Variants in CFAP20DC observed in about 807,000 individuals in gnomAD.
CFAP20DC encodes the protein protein CFAP20DC.
In CFAP20DC, 84 loss-of-function variants were observed where a neutral mutation model predicts 101.7. The observed-to-expected ratio is 0.83, with a 90% CI of 0.69 to 0.99. The LOEUF is 0.99. CFAP20DC is among the 50% of genes least tolerant of loss of function. The pLI, the probability that CFAP20DC is intolerant of heterozygous loss-of-function variation, is 0.00. For synonymous variants in CFAP20DC, 359 were observed against 351.2 expected, an observed-to-expected ratio of 1.02 and a Z score of -0.25; for missense variants, 1,007 against 970.3, an observed-to-expected ratio of 1.04 and a Z score of -0.50.
downstream of CFAP20DC, among the ~76,000 whole-genome samples, chr3:58,739,193 AG>A (rs2067826107): frequency 2.0e-5 from 3 of 152,236 alleles, no homozygotes; most frequent in Non-Finnish European, 4.4e-5. Context: ...TATAATTACC[AG>A]GGAAACTAAA....
intron 14 of CFAP20DC, among the ~76,000 whole-genome samples, chr3:58,818,142 G>A (rs373085271): frequency 2.2e-3 from 337 of 150,774 alleles, no homozygotes; most frequent in African/African-American, 7.1e-3. Flanking sequence ...TGAAGGAAGC[G>A]CTAAACATGG....
At chr3:59,019,961 T>C (rs1054059498) in intron 4 of CFAP20DC, among the ~76,000 whole-genome samples, 13 of 152,048 alleles carry the variant, frequency 8.5e-5, no homozygotes, top group Non-Finnish European at 1.0e-4. Flanking sequence ...TCACAACAGA[T>C]TGAATTAGAG....
At chr3:58,813,357 G>A (rs2074829540) in intron 14 of CFAP20DC, among the ~76,000 whole-genome samples, 1 of 151,856 alleles carries the variant, frequency 6.6e-6, no homozygotes. Context: ...TCAGCTCTAA[G>A]TATTTATGTG....
intron 5 of CFAP20DC, among the ~76,000 whole-genome samples, chr3:58,931,038 G>A (rs953942444): frequency 6.6e-6 from 1 of 152,132 alleles, no homozygotes; most frequent in African/African-American, 2.4e-5. Flanking sequence ...GTGACAAATG[G>A]CACCTGGAAA....
At chr3:58,856,521 G>C (rs2078841414) in intron 12 of CFAP20DC, among the ~76,000 whole-genome samples, 1 of 152,270 alleles carries the variant, frequency 6.6e-6, no homozygotes, top group Middle Eastern at 3.4e-3. Flanking sequence ...GCCACTTATG[G>C]GGTGAGCTTG....
At chr3:58,856,331 T>G (rs1452230487) in intron 12 of CFAP20DC, among the ~76,000 whole-genome samples, 1 of 143,160 alleles carries the variant, frequency 7.0e-6, no homozygotes, top group Non-Finnish European at 1.5e-5. Context: ...ATGGAGATAC[T>G]TATCTTTCAG....
At chr3:58,820,106 G>A (rs1352922070) in intron 14 of CFAP20DC, among the ~76,000 whole-genome samples, 3 of 151,978 alleles carry the variant, frequency 2.0e-5, no homozygotes, top group Admixed American at 1.3e-4. Flanking sequence ...TTCATGCTAA[G>A]AACTCTGAAT....
intron 14 of CFAP20DC, among the ~76,000 whole-genome samples, chr3:58,816,908 G>C (rs1559638883): frequency 1.3e-5 from 2 of 152,196 alleles, no homozygotes; most frequent in Non-Finnish European, 2.9e-5. Flanking sequence ...GCTTGGAAGA[G>C]AGCAGTGGTT....
intron 4 of CFAP20DC, among the ~76,000 whole-genome samples, chr3:58,942,842 G>A (rs2107867072): frequency 6.6e-6 from 1 of 152,310 alleles, no homozygotes; most frequent in East Asian, 1.9e-4. Context: ...TTCTCACTGA[G>A]AACACAGCAG....
rs1020963622 is a variant in CFAP20DC, at chr3:58,732,227, A to T, written c.198-14599T>A. Among the ~76,000 whole-genome samples, 10 of 152,242 alleles carry T rather than the reference A, an allele frequency of 6.6e-5. No homozygotes were observed. The highest frequency in any genetic ancestry group is 2.4e-4 in the African/African-American group (10 of 41,460). ...CCTACCCTAATGACTCGTTAGGTCA[A>T]TTAAAAAAAGAGGACAATTTCTCAT... On this transcript the variant is annotated intron_variant, in intron 3 of 3. Coordinates refer to the CFAP20DC transcript ENST00000486145. The surrounding 1 kb of genome is among the most constrained non-coding windows in gnomAD (Gnocchi z 5.4).
At position 58,799,412 on chromosome 3, in the gene CFAP20DC, G is replaced by A. The variant is rs749024249; in HGVS notation, c.2237+6983C>T. 5.3e-5 allele frequency among the ~76,000 whole-genome samples: 8 copies of A among 152,086 alleles called. No individual in the cohort carries two copies. The South Asian group carries it at 1.0e-3, about 20-fold the overall frequency. The stretch of plus-strand genomic sequence containing the variant: ...AAAAAGGTTTCGTTTATTATAAATG[G>A]GAACAGGGCCAGGTACTAGAGACTC... On this transcript the variant is annotated intron_variant, in intron 15 of 16. Coordinates refer to ENST00000482387, the MANE Select transcript of CFAP20DC (RefSeq NM_001394063.1). The surrounding 1 kb of genome is among the most constrained non-coding windows in gnomAD (Gnocchi z 4.9).
chr3:59,021,575 A>C (rs1355299711), intron 4 of CFAP20DC, among the ~76,000 whole-genome samples: 2 of 152,220 alleles, frequency 1.3e-5, no homozygotes, highest in East Asian at 3.9e-4. Context: ...ACTTAGCTTA[A>C]AGCCAATGAT....
intron 12 of CFAP20DC, among the ~76,000 whole-genome samples, chr3:58,851,729 T>C (rs1167326386): frequency 7.2e-5 from 11 of 152,192 alleles, no homozygotes; most frequent in Admixed American, 5.2e-4. Context: ...TGTACTCTTT[T>C]TTTATATTAC....
chr3:58,887,596 C>T (rs562483431), intron 6 of CFAP20DC, among the ~76,000 whole-genome samples: 2 of 152,144 alleles, frequency 1.3e-5, no homozygotes, highest in African/African-American at 4.8e-5. Flanking sequence ...AATTCCTAAG[C>T]TTTTATGGAA....
intron 4 of CFAP20DC, among the ~76,000 whole-genome samples, chr3:58,963,161 T>G (rs2091277495): frequency 6.7e-6 from 1 of 150,106 alleles, no homozygotes; most frequent in African/African-American, 2.5e-5. Flanking sequence ...TGCCACAGGC[T>G]TTCATACTTC....
intron 14 of CFAP20DC, among the ~76,000 whole-genome samples, chr3:58,816,933 C>T (rs1017457740): frequency 6.6e-6 from 1 of 152,208 alleles, no homozygotes; most frequent in Non-Finnish European, 1.5e-5. Context: ...CAGCACGCAG[C>T]TGGAGATCTG....
Position 59,001,499 on chromosome 3 carries a change from C to A in CFAP20DC, c.278+38058G>T, listed in dbSNP as rs2093310314. On this transcript the variant is annotated intron_variant, in intron 4 of 16. Transcript: ENST00000482387. This position sits in a 1 kb window ranked among gnomAD's most constrained non-coding sequence, Gnocchi z 4.5. Reference sequence around the variant, plus strand: ...AGCCTCGATCTCACCCCAACCTCCGCCTCCCAGGTTCAAGTGATTCTCCTG... The same window carrying A: ...AGCCTCGATCTCACCCCAACCTCCGACTCCCAGGTTCAAGTGATTCTCCTG... Among the ~76,000 whole-genome samples, 1 of 152,194 alleles carries A rather than the reference C, an allele frequency of 6.6e-6. No individual in the cohort carries two copies.
At chr3:58,885,642 C>T (rs1350123922) in intron 6 of CFAP20DC, among the ~76,000 whole-genome samples, 2 of 150,276 alleles carry the variant, frequency 1.3e-5, no homozygotes, top group South Asian at 4.3e-4. Flanking sequence ...CATCTAGTAT[C>T]CTCTGTACTT....
At chr3:58,802,773 T>C (rs907416062) in intron 15 of CFAP20DC, among the ~76,000 whole-genome samples, 4 of 152,212 alleles carry the variant, frequency 2.6e-5, no homozygotes, top group African/African-American at 7.2e-5. Flanking sequence ...TGCAGCACTT[T>C]AGCTATTTTC....
Sources: allele counts gnomAD v4.1 joint callset (sites outside exome capture counted in the v4.1 genomes callset), GRCh38; gene constraint gnomAD v4.1.1; non-coding constraint Gnocchi (gnomAD v3.1); transcripts MANE v1.5; gene names NCBI Gene and HGNC (gene_info 2026-07-23, HGNC 2026-07-21).